GALNT11: variants seen among roughly 807,000 people sequenced by gnomAD.
GALNT11 encodes the protein UDP-GalNAc:polypeptide N-acetylgalactosaminyltransferase 11.
Under a neutral mutation model 72.7 loss-of-function variants are expected in GALNT11, and 47 were observed. That is an observed-to-expected ratio of 0.65 (90% CI 0.51 to 0.82). The LOEUF (loss-of-function observed/expected upper bound fraction) is 0.82. Ranked by LOEUF, GALNT11 falls within the 40% of genes least tolerant of loss-of-function variation. The probability of loss-of-function intolerance (pLI) is 0.00; values close to 1 mark genes in which losing one functional copy is unlikely to be tolerated. For synonymous variants in GALNT11, 270 were observed against 286.6 expected, an observed-to-expected ratio of 0.94 and a Z score of 0.58; for missense variants, 677 against 778.4, an observed-to-expected ratio of 0.87 and a Z score of 1.55.
intron 1 of GALNT11, among the ~76,000 whole-genome samples, chr7:152,045,851 G>A (rs1205837178): frequency 6.6e-6 from 1 of 151,454 alleles, no homozygotes; most frequent in Non-Finnish European, 1.5e-5. Flanking sequence ...TTTTCTTCTT[G>A]CTTTCTCTGC....
At chr7:152,034,328 G>A (rs953365892) in intron 1 of GALNT11, among the ~76,000 whole-genome samples, 2 of 152,120 alleles carry the variant, frequency 1.3e-5, no homozygotes, top group Non-Finnish European at 2.9e-5. Flanking sequence ...AGAAAGCTTG[G>A]ACATAAGGTG....
rs1174843576 is a variant in GALNT11, at chr7:152,094,729, TG to T, written c.295+208del. On this transcript the variant is annotated intron_variant, in intron 2 of 11. Coordinates refer to ENST00000430044, the MANE Select transcript of GALNT11 (RefSeq NM_022087.4). The surrounding 1 kb of genome is among the most constrained non-coding windows in gnomAD (Gnocchi z 4.3). The stretch of plus-strand genomic sequence containing the variant: ...ATCCAGTTCTGACTTCAGTATCTTA[TG>T]AGAAAACAAACAAGGTCCAGGGAAG... Among the ~76,000 whole-genome samples, 3 of 152,202 alleles carry T rather than the reference TG, an allele frequency of 2.0e-5. No homozygotes were observed. Among genetic ancestry groups the T allele is most frequent in the African/African-American group, 7.2e-5 (3 of 41,444 alleles).
Position 152,105,254 on chromosome 7 carries a change from A to G in GALNT11, c.596A>G (p.Lys199Arg). ...VDDDSDFDDL[K>R]GELDEYVQKY... ...GGGACTTTATTTTCAGATGATTTGA[A>G]AGGAGAACTAGATGAATATGTCCAA... The change falls in exon 5 of 12, where the codon AAA (lysine) becomes AGA (arginine). Residue 199 changes from lysine (K) to arginine (R), a missense_variant. Physicochemically the swap from Lys to Arg is conservative, Grantham distance 26 (BLOSUM62 2). Transcript: ENST00000430044. 6.2e-7 allele frequency: 1 copy of G among 1,613,390 alleles called. No individual in the cohort carries two copies.
At chr7:152,110,669 A>G in intron 7 of GALNT11, 24 bp downstream of exon 7, 1 of 1,389,614 alleles carries the variant, frequency 7.2e-7, no homozygotes, top group South Asian at 1.2e-5. Context: ...TGCATGCTCA[A>G]TTAATAACTG....
intron 1 of GALNT11, chr7:152,075,025 A>T (rs1031549328): frequency 1.3e-5 from 2 of 152,100 alleles, no homozygotes; most frequent in Non-Finnish European, 2.9e-5. Flanking sequence ...TCTCTCTGGG[A>T]TCTTTTACCT....
chr7:152,029,622 C>T (rs2082208970), intron 1 of GALNT11, among the ~76,000 whole-genome samples: 1 of 152,250 alleles, frequency 6.6e-6, no homozygotes, highest in Admixed American at 6.5e-5. Flanking sequence ...CTTCCTGATT[C>T]TGTAAGTACT....
chr7:152,054,370 AG>A (rs1275467276), intron 1 of GALNT11, among the ~76,000 whole-genome samples: 1 of 151,030 alleles, frequency 6.6e-6, no homozygotes, highest in African/African-American at 2.4e-5. Context: ...GATAGTAAAA[AG>A]GTCTACCTCA....
At chr7:152,071,906 G>C (rs1370728140) in intron 1 of GALNT11, among the ~76,000 whole-genome samples, 7 of 151,824 alleles carry the variant, frequency 4.6e-5, no homozygotes, top group Non-Finnish European at 1.0e-4. Flanking sequence ...GTTTTTAGGA[G>C]GCTGAGGCAG....
intron 1 of GALNT11, among the ~76,000 whole-genome samples, chr7:152,044,467 C>T (rs2083021987): frequency 6.6e-6 from 1 of 152,180 alleles, no homozygotes; most frequent in Admixed American, 6.5e-5. Context: ...CACAGTGCTG[C>T]AGAGATTTTG....
At chr7:152,057,230 T>A (rs1021703836) in intron 1 of GALNT11, among the ~76,000 whole-genome samples, 20 of 148,396 alleles carry the variant, frequency 1.3e-4, no homozygotes, top group Admixed American at 9.2e-4. Context: ...TTAAAAAATC[T>A]ATTAGTAATT....
At chr7:152,121,436 G>A in intron 11 of GALNT11, 110 bp from the exon 12 acceptor site, 1 of 1,315,690 alleles carries the variant, frequency 7.6e-7, no homozygotes, top group Non-Finnish European at 1.0e-6. Context: ...TTGGCTAAGA[G>A]GGGACTATTG....
chr7:152,088,072 T>G (rs183706732), intron 1 of GALNT11, among the ~76,000 whole-genome samples: 1 of 152,356 alleles, frequency 6.6e-6, no homozygotes, highest in East Asian at 1.9e-4. Context: ...TCTCTGGGAA[T>G]TCCCATTTAG....
intron 4 of GALNT11, 149 bp downstream of exon 4, chr7:152,103,427 A>G (rs2087179561): frequency 1.4e-6 from 1 of 717,658 alleles, no homozygotes; most frequent in African/African-American, 1.7e-5. Context: ...ATAAGTCTGA[A>G]GAAATCCATT....
At chr7:152,056,462 A>G (rs2083683507) in intron 1 of GALNT11, among the ~76,000 whole-genome samples, 1 of 152,192 alleles carries the variant, frequency 6.6e-6, no homozygotes, top group African/African-American at 2.4e-5. Flanking sequence ...GAGTATAGAA[A>G]GTGGACTTGG....
rs999121853 is a variant in GALNT11 at position 152,106,337 on chromosome 7, A to G, written c.712+967A>G. ...TTTGTGGTGGTCGGCACTGCTCACC[A>G]CCACTCCCCCTGTGGAGCCACTGGC... On this transcript the variant is annotated intron_variant, in intron 5 of 11. Coordinates refer to ENST00000430044, the MANE Select transcript of GALNT11 (RefSeq NM_022087.4). 2.6e-5 allele frequency among the ~76,000 whole-genome samples: 4 copies of G among 152,130 alleles called. No homozygotes were observed. The East Asian group carries it at 7.7e-4, about 29-fold the overall frequency.
chr7:152,065,161 C>T (rs2084237434), intron 1 of GALNT11, among the ~76,000 whole-genome samples: 1 of 152,124 alleles, frequency 6.6e-6, no homozygotes, highest in South Asian at 2.1e-4. Flanking sequence ...TCTTTTTACT[C>T]TTTTTTCTCT....
At position 152,120,912 on chromosome 7, in the gene GALNT11, C is replaced by T. The variant is rs1235111397; in HGVS notation, c.1639C>T (p.Pro547Ser). The T allele has an allele frequency of 6.2e-7, 1 of 1,613,990 alleles. No individual in the cohort carries two copies. Among genetic ancestry groups the T allele is most frequent in the East Asian group, 2.2e-5 (1 of 44,868 alleles). ...TATGTCAGAGACTCGCTCATCAGAC[C>T]CGCCACGGCTCATGAAATGCCACGG... ...LDMSETRSSDPPRLMKCHGSG... is the reference protein window; with the variant it reads ...LDMSETRSSDSPRLMKCHGSG... The change falls in exon 11 of 12, where the codon CCG (proline) becomes TCG (serine). Residue 547 changes from proline (P) to serine (S), a missense_variant. Coordinates refer to ENST00000430044, the MANE Select transcript of GALNT11 (RefSeq NM_022087.4).
chr7:152,062,935 T>TTG (rs1369457975), intron 1 of GALNT11, among the ~76,000 whole-genome samples: 1 of 152,190 alleles, frequency 6.6e-6, no homozygotes, highest in African/African-American at 2.4e-5. Flanking sequence ...TCTTTTTTTG[T>TTG]TGTGTCTCTG....
rs948019370 is a variant in GALNT11 at position 152,094,790 on chromosome 7, T to C, written c.295+268T>C. 6.6e-6 allele frequency among the ~76,000 whole-genome samples: 1 copy of C among 152,076 alleles called. No homozygotes were observed. Among genetic ancestry groups the C allele is most frequent in the Non-Finnish European group, 1.5e-5 (1 of 67,984 alleles). On this transcript the variant is annotated intron_variant, in intron 2 of 11. Coordinates refer to ENST00000430044, the MANE Select transcript of GALNT11 (RefSeq NM_022087.4). The surrounding 1 kb of genome is among the most constrained non-coding windows in gnomAD (Gnocchi z 4.3). ...AAGGCTAGAAAGAAAATGGAACCTA[T>C]GGGAGAAGGGGTTTGTTTTTTGTTT...
Sources: gnomAD v4.1 joint callset for allele counts (sites outside exome capture counted in the v4.1 genomes callset) on GRCh38, gnomAD v4.1.1 for gene constraint, Gnocchi (gnomAD v3.1) non-coding constraint, MANE v1.5 for transcripts, NCBI Gene and HGNC (gene_info 2026-07-23, HGNC 2026-07-21) for gene names.